The following TUT4 variants were observed in gnomAD, a reference collection of about 807,000 sequenced individuals.
TUT4 encodes terminal uridylyltransferase 4.
In TUT4, 36 loss-of-function variants were observed where a neutral mutation model predicts 192.2. The observed-to-expected ratio is 0.19, with a 90% CI of 0.14 to 0.25. The LOEUF (loss-of-function observed/expected upper bound fraction) is 0.25, where lower values mean the gene tolerates loss of function less well. TUT4 is among the 10% of genes least tolerant of loss of function. TUT4 has a pLI of 1.00. For missense variants in TUT4, 1,493 were observed against 1,957.2 expected, an observed-to-expected ratio of 0.76 and a Z score of 4.47; for synonymous variants, 618 against 666.0, an observed-to-expected ratio of 0.93 and a Z score of 1.11.
At chr1:52,500,575 C>T (rs372341036) in intron 4 of TUT4, among the ~76,000 whole-genome samples, 1 of 152,142 alleles carries the variant, frequency 6.6e-6, no homozygotes, top group East Asian at 1.9e-4. Context: ...CCAGCCCAAC[C>T]AACATGGCAA....
chr1:52,480,859 C>A (rs1301408855), intron 11 of TUT4, among the ~76,000 whole-genome samples: 1 of 152,130 alleles, frequency 6.6e-6, no homozygotes, highest in Non-Finnish European at 1.5e-5. Context: ...TCAAGTATAT[C>A]AGGAAACTAC....
intron 2 of TUT4, among the ~76,000 whole-genome samples, chr1:52,517,727 A>G (rs1367949294): frequency 6.6e-6 from 1 of 152,234 alleles, no homozygotes; most frequent in Non-Finnish European, 1.5e-5. Context: ...TTATGTACTA[A>G]TATTTGGAAA....
chr1:52,460,576 A>C (rs1452291493), intron 19 of TUT4, among the ~76,000 whole-genome samples: 1 of 152,112 alleles, frequency 6.6e-6, no homozygotes, highest in African/African-American at 2.4e-5. Flanking sequence ...TCCCCTACTA[A>C]AACTCTTCCA....
chr1:52,508,990 C>T (rs1037862592), intron 4 of TUT4, among the ~76,000 whole-genome samples: 1 of 152,178 alleles, frequency 6.6e-6, no homozygotes, highest in African/African-American at 2.4e-5. Context: ...TCATACTAGA[C>T]TTAAAGTTAC....
intron 1 of TUT4, among the ~76,000 whole-genome samples, chr1:52,539,033 A>G (rs1391853156): frequency 6.6e-6 from 1 of 152,236 alleles, no homozygotes; most frequent in Non-Finnish European, 1.5e-5. Flanking sequence ...TTGCGAAGTT[A>G]CAGAATCACT....
chr1:52,445,351 T>C (rs936908858), intron 24 of TUT4, among the ~76,000 whole-genome samples: 6 of 152,144 alleles, frequency 3.9e-5, no homozygotes, highest in Non-Finnish European at 8.8e-5. Flanking sequence ...ATAAAATATT[T>C]CTTCGGTTTT....
chr1:52,475,302 T>C lies in TUT4; in HGVS notation c.2257A>G (p.Thr753Ala), dbSNP rs372773012. Residue 753 changes from threonine to alanine, a missense_variant, in exon 13 of 30, where the codon ACA (threonine) becomes GCA (alanine). This residue lies in a region of TUT4 where 245 missense variants were observed against 218.4 expected (regional missense o/e 1.12). Transcript: ENST00000257177. Reference sequence around the variant, plus strand: ...TCTCTTTCTGCATTTATTTTTTCTGTGGTTTCCCCAAGCAGAATACAACCA... The same window carrying C: ...TCTCTTTCTGCATTTATTTTTTCTGCGGTTTCCCCAAGCAGAATACAACCA... ...TNGCILLGET[T>A]EKINAEREQP... 27 of 1,614,136 alleles carry C rather than the reference T, an allele frequency of 1.7e-5. No individual in the cohort carries two copies. Among genetic ancestry groups the C allele is most frequent in the Non-Finnish European group, 2.2e-5 (26 of 1,180,026 alleles).
chr1:52,552,345 T>G (rs1689663465), intron 1 of TUT4, among the ~76,000 whole-genome samples: 1 of 152,064 alleles, frequency 6.6e-6, no homozygotes, highest in South Asian at 2.1e-4. Flanking sequence ...AAACCGCGCA[T>G]TACCACCTTT....
intron 14 of TUT4, 129 bp from the exon 15 acceptor site, chr1:52,468,396 T>TA (rs1371608748): frequency 6.0e-6 from 4 of 667,066 alleles, no homozygotes; most frequent in Admixed American, 3.6e-5. Flanking sequence ...TCTCTGACTT[T>TA]AAAACCATAA....
intron 2 of TUT4, among the ~76,000 whole-genome samples, chr1:52,522,136 ACATAT>A (rs1319980065): frequency 6.6e-6 from 1 of 152,228 alleles, no homozygotes; most frequent in Non-Finnish European, 1.5e-5. Context: ...CTAATACTAT[ACATAT>A]CATATTATAC....
intron 7 of TUT4, 112 bp from the exon 8 acceptor site, chr1:52,490,913 G>A: frequency 1.2e-6 from 1 of 864,394 alleles, no homozygotes; most frequent in Non-Finnish European, 1.8e-6. Flanking sequence ...GCTTCTGTGG[G>A]ATAATCCACT....
intron 2 of TUT4, among the ~76,000 whole-genome samples, chr1:52,517,116 T>G (rs968114923): frequency 2.0e-5 from 3 of 152,220 alleles, no homozygotes; most frequent in African/African-American, 7.2e-5. Flanking sequence ...TCCTTCAAAA[T>G]TCAGCTTAAG....
At chr1:52,497,574 G>A (rs535496716) in intron 4 of TUT4, among the ~76,000 whole-genome samples, 35 of 152,328 alleles carry the variant, frequency 2.3e-4, no homozygotes, top group African/African-American at 8.2e-4. Flanking sequence ...ACAGTATCAA[G>A]TTAAATGGTC....
chr1:52,452,866 G>A (rs1659835919), intron 20 of TUT4, among the ~76,000 whole-genome samples: 3 of 152,204 alleles, frequency 2.0e-5, no homozygotes, highest in Admixed American at 2.0e-4. Context: ...AGAAGTTCTG[G>A]AGGGCCTAGA....
Position 52,465,170 on chromosome 1 carries a change from T to C in TUT4, c.2969A>G (p.Lys990Arg), listed in dbSNP as rs1380492111. 1 of 1,612,256 alleles carries C rather than the reference T, an allele frequency of 6.2e-7. No homozygotes were observed. Among genetic ancestry groups the C allele is most frequent in the Non-Finnish European group, 8.5e-7 (1 of 1,179,392 alleles). Residue 990 changes from lysine to arginine, a missense_variant, in exon 16 of 30, where the codon AAG (lysine) becomes AGG (arginine). Coordinates refer to ENST00000257177, the MANE Select transcript of TUT4 (RefSeq NM_001009881.3). ...AGAGCCAAATAAGCACAACCTTGCCTTTTCTAAGCAAAGGAAAACAAAGTC... is the reference window on the plus strand; with the variant it reads ...AGAGCCAAATAAGCACAACCTTGCCCTTTCTAAGCAAAGGAAAACAAAGTC... ...EKFIQKEYDE[K>R]ARLCLFGSSK...
Position 52,490,798 on chromosome 1 carries a change from A to C in TUT4, c.1322T>G (p.Leu441Ter). 1 of 1,609,804 alleles carries C rather than the reference A, an allele frequency of 6.2e-7. No individual in the cohort carries two copies. Reference protein sequence around the residue: ...KVLGILKKNVLYVDVESDFHA... With the variant: ...KVLGILKKNV The stretch of plus-strand genomic sequence containing the variant: ...AAAATCAGATTCCACATCTACATAT[A>C]ATACTAATAAGGAAAAAAAAAAGTA... Residue 441 changes from leucine (L) to a stop codon, truncating the protein, a stop_gained, in exon 8 of 30, where the codon TTA becomes TGA. Coordinates refer to ENST00000257177, the MANE Select transcript of TUT4 (RefSeq NM_001009881.3). LOFTEE classifies it high-confidence loss of function.
At chr1:52,498,802 G>A (rs1009034430) in intron 4 of TUT4, among the ~76,000 whole-genome samples, 5 of 147,140 alleles carry the variant, frequency 3.4e-5, no homozygotes, top group African/African-American at 5.1e-5. Flanking sequence ...CAGGAGAATC[G>A]TTTCAACCTC....
chr1:52,515,678 T>C, intron 3 of TUT4: 1 of 636,718 alleles, frequency 1.6e-6, no homozygotes, highest in South Asian at 2.1e-5. Context: ...TTGGGATGAA[T>C]GAAGTCAGAC....
At chr1:52,542,618 A>G (rs1286073040) in intron 1 of TUT4, among the ~76,000 whole-genome samples, 1 of 152,242 alleles carries the variant, frequency 6.6e-6, no homozygotes, top group Non-Finnish European at 1.5e-5. Flanking sequence ...CTAGGAATAG[A>G]AAGAAACTAC....
Sources: gnomAD v4.1 joint callset for allele counts (sites outside exome capture counted in the v4.1 genomes callset) on GRCh38, gnomAD v4.1.1 for gene constraint, gnomAD v4.1.1 regional missense constraint, MANE v1.5 for transcripts, NCBI Gene and HGNC (gene_info 2026-07-23, HGNC 2026-07-21) for gene names.